SAMTOR: variants seen among roughly 807,000 people sequenced by gnomAD.
SAMTOR encodes S-adenosylmethionine sensor upstream of mTORC1.
the SAMTOR span, among the ~76,000 whole-genome samples, chr7:112,857,312 C>T: frequency 1.4e-5 from 2 of 147,688 alleles, no homozygotes; most frequent in Admixed American, 6.7e-5. Flanking sequence ...AGGATGGTCT[C>T]AATCTCCTGA....
At chr7:112,842,238 C>A in the SAMTOR span, among the ~76,000 whole-genome samples, 1 of 151,878 alleles carries the variant, frequency 6.6e-6, no homozygotes, top group Non-Finnish European at 1.5e-5. Context: ...TTTTGTGGAC[C>A]CACTTTGCAG....
the SAMTOR span, among the ~76,000 whole-genome samples, chr7:112,922,817 T>C: frequency 1.4e-5 from 2 of 146,440 alleles, no homozygotes; most frequent in Non-Finnish European, 3.0e-5. Flanking sequence ...AGCCGCCCCG[T>C]CCGGGAGGGA....
the SAMTOR span, among the ~76,000 whole-genome samples, chr7:112,922,057 C>T: frequency 2.0e-5 from 3 of 152,136 alleles, no homozygotes; most frequent in African/African-American, 4.8e-5. Flanking sequence ...ACCTCCCTGC[C>T]TGATTCTCCT....
At chr7:112,916,901 G>A in the SAMTOR span, among the ~76,000 whole-genome samples, 17 of 152,220 alleles carry the variant, frequency 1.1e-4, no homozygotes, top group African/African-American at 1.7e-4. Flanking sequence ...AGGGGCGCCC[G>A]CCATTGCCCA....
chr7:112,882,113 C>G, the SAMTOR span, among the ~76,000 whole-genome samples: 1 of 152,234 alleles, frequency 6.6e-6, no homozygotes, highest in East Asian at 1.9e-4. Context: ...CTGGATCCAG[C>G]AGCAGGCTTG....
the SAMTOR span, among the ~76,000 whole-genome samples, chr7:112,870,270 C>T: frequency 1.3e-5 from 2 of 152,094 alleles, no homozygotes; most frequent in East Asian, 3.9e-4. Context: ...AAGGTCAAAG[C>T]AAAAGAAAAA....
At chr7:112,919,169 C>T in the SAMTOR span, among the ~76,000 whole-genome samples, 1 of 152,138 alleles carries the variant, frequency 6.6e-6, no homozygotes, top group South Asian at 2.1e-4. Flanking sequence ...CACACCACAC[C>T]TATTCCAAAA....
chr7:112,820,196 A>G, the SAMTOR span: 1 of 152,530 alleles, frequency 6.6e-6, no homozygotes, highest in Non-Finnish European at 1.5e-5. Flanking sequence ...AATACTGGGT[A>G]CATACACTCA....
chr7:112,922,816 G>A, the SAMTOR span, among the ~76,000 whole-genome samples: 31 of 150,602 alleles, frequency 2.1e-4, no homozygotes, highest in South Asian at 4.2e-4. Context: ...CAGCCGCCCC[G>A]TCCGGGAGGG....
At chr7:112,827,994 G>A in the SAMTOR span, among the ~76,000 whole-genome samples, 1 of 152,108 alleles carries the variant, frequency 6.6e-6, no homozygotes, top group Non-Finnish European at 1.5e-5. Context: ...GGATATTACA[G>A]GTGTAAGCCA....
the SAMTOR span, among the ~76,000 whole-genome samples, chr7:112,826,144 C>T: frequency 1.3e-5 from 2 of 152,146 alleles, no homozygotes; most frequent in South Asian, 2.1e-4. Flanking sequence ...TGTTTTATAA[C>T]ATTTGTCTGA....
At chr7:112,927,817 A>G in the SAMTOR span, among the ~76,000 whole-genome samples, 2 of 152,078 alleles carry the variant, frequency 1.3e-5, no homozygotes, top group Admixed American at 6.5e-5. Context: ...ATCCCATAAC[A>G]TTTAAATTTT....
chr7:112,854,546 C>T, the SAMTOR span, among the ~76,000 whole-genome samples: 1 of 152,150 alleles, frequency 6.6e-6, no homozygotes, highest in Non-Finnish European at 1.5e-5. Flanking sequence ...AAGAGCATTT[C>T]ATGAAATAGT....
At chr7:112,931,762 T>C in the SAMTOR span, among the ~76,000 whole-genome samples, 1 of 152,232 alleles carries the variant, frequency 6.6e-6, no homozygotes, top group African/African-American at 2.4e-5. Flanking sequence ...TGGGTATTAG[T>C]GTATCTACAC....
chr7:112,850,689 G>A, the SAMTOR span, among the ~76,000 whole-genome samples: 3 of 152,168 alleles, frequency 2.0e-5, no homozygotes, highest in African/African-American at 7.2e-5. Flanking sequence ...GTCTGTGCAT[G>A]TAGTTTGTGC....
chr7:112,851,444 G>GA, the SAMTOR span, among the ~76,000 whole-genome samples: 2 of 152,062 alleles, frequency 1.3e-5, no homozygotes, highest in South Asian at 2.1e-4. Context: ...ATACAATGGG[G>GA]AAAAAAGCCT....
At chr7:112,936,438 G>T in the SAMTOR span, among the ~76,000 whole-genome samples, 7 of 152,194 alleles carry the variant, frequency 4.6e-5, no homozygotes, top group South Asian at 1.5e-3. Flanking sequence ...GGAAAAAGTG[G>T]TAAACGAAAA....
the SAMTOR span, among the ~76,000 whole-genome samples, chr7:112,849,233 G>A: frequency 2.0e-5 from 3 of 152,046 alleles, no homozygotes; most frequent in African/African-American, 7.2e-5. Context: ...ACACACATAT[G>A]TATATGGCAG....
chr7:112,841,768 A>C, the SAMTOR span, among the ~76,000 whole-genome samples: 6 of 152,230 alleles, frequency 3.9e-5, no homozygotes, highest in Admixed American at 2.0e-4. Context: ...CTCAGAAACA[A>C]CACCACACAT....
Sources: gnomAD v4.1 joint callset for allele counts (sites outside exome capture counted in the v4.1 genomes callset) on GRCh38, gnomAD v4.1.1 for gene constraint, MANE v1.5 for transcripts, NCBI Gene and HGNC (gene_info 2026-07-23, HGNC 2026-07-21) for gene names.